ADAMTS16: variants seen among roughly 807,000 people sequenced by gnomAD.
ADAMTS16 encodes A disintegrin and metalloproteinase with thrombospondin motifs 16.
Under a neutral mutation model 145.8 loss-of-function variants are expected in ADAMTS16, and 94 were observed. That is an observed-to-expected ratio of 0.64 (90% confidence interval 0.55 to 0.77). The LOEUF (loss-of-function observed/expected upper bound fraction) is 0.77, where lower values mean the gene tolerates loss of function less well. Ranked by LOEUF, ADAMTS16 falls within the 30% of genes least tolerant of loss-of-function variation. ADAMTS16 has a pLI of 0.00. For missense variants in ADAMTS16, 1,585 were observed against 1,591.5 expected, an observed-to-expected ratio of 1.00 and a Z score of 0.07; for synonymous variants, 659 against 604.3, an observed-to-expected ratio of 1.09 and a Z score of -1.33.
rs1734085254 is a variant in ADAMTS16 at position 5,317,029 on chromosome 5, CAG to C, written c.3412-1099_3412-1098del. ...TTGGCCAGCCACTCACAGTTGTAGA[CAG>C]AGAGACCACCTCAAATGGTCTGGGT... On this transcript the variant is annotated intron_variant, in intron 21 of 22. Transcript: ENST00000274181. This position sits in a 1 kb window ranked among gnomAD's most constrained non-coding sequence, Gnocchi z 4.5. Among the ~76,000 whole-genome samples the C allele has an allele frequency of 6.6e-6, 1 of 152,152 alleles. No individual in the cohort carries two copies. The highest frequency in any genetic ancestry group is 1.5e-5 in the Non-Finnish European group (1 of 68,030).
chr5:5,229,402 C>G (rs575453186), intron 11 of ADAMTS16, among the ~76,000 whole-genome samples: 24 of 151,916 alleles, frequency 1.6e-4, no homozygotes, highest in Admixed American at 3.9e-4. Flanking sequence ...CCAGACACTG[C>G]AGTAAGGTGG....
intron 10 of ADAMTS16, among the ~76,000 whole-genome samples, chr5:5,222,316 A>AATGGAGGG (rs1736629001): frequency 1.3e-5 from 2 of 148,548 alleles, no homozygotes; most frequent in Admixed American, 6.7e-5. Context: ...TGCATGGTTA[A>AATGGAGGG]ATGGATGGAT....
chr5:5,223,235 G>T (rs906348762), intron 11 of ADAMTS16: 3 of 225,302 alleles, frequency 1.3e-5, no homozygotes, highest in Non-Finnish European at 2.7e-5. Flanking sequence ...CAGAACATCG[G>T]TTTGAAGACC....
chr5:5,224,104 A>G (rs1287652854), intron 11 of ADAMTS16, among the ~76,000 whole-genome samples: 1 of 152,176 alleles, frequency 6.6e-6, no homozygotes, highest in African/African-American at 2.4e-5. Flanking sequence ...GAAATAAGAT[A>G]AACTTATTGA....
At position 5,158,923 on chromosome 5, in the gene ADAMTS16, A is replaced by G. The variant is rs138192148; in HGVS notation, c.501+12468A>G. Among the ~76,000 whole-genome samples the G allele has an allele frequency of 7.0e-3, 1,065 of 152,340 alleles. 5 individuals carry two copies. Among genetic ancestry groups the G allele is most frequent in the Admixed American group, 0.011 (161 of 15,308 alleles). On this transcript the variant is annotated intron_variant, in intron 3 of 22. Transcript: ENST00000274181. ...TTGCCTATCGTGTATTAAGATTCTC[A>G]TGAATAGGCACTTTCACCACCCTGC... is the stretch of plus-strand genomic sequence containing the variant.
chr5:5,300,924 C>A (rs1374032512), intron 18 of ADAMTS16, among the ~76,000 whole-genome samples: 1 of 152,146 alleles, frequency 6.6e-6, no homozygotes, highest in Non-Finnish European at 1.5e-5. Context: ...AGGTCCAAAC[C>A]TTTTTGATTG....
chr5:5,157,370 A>G (rs1346732763), intron 3 of ADAMTS16, among the ~76,000 whole-genome samples: 1 of 152,014 alleles, frequency 6.6e-6, no homozygotes. Context: ...GTAAAATCTT[A>G]GCAGTTTTGT....
Position 5,319,199 on chromosome 5 carries a change from G to A in ADAMTS16, c.*61G>A, listed in dbSNP as rs1734181407. 4.8e-6 allele frequency: 6 copies of A among 1,256,666 alleles called. No homozygotes were observed. Among genetic ancestry groups the A allele is most frequent in the African/African-American group, 1.5e-5 (1 of 68,018 alleles). 77.8% of individuals were successfully genotyped at this position (1,256,666 alleles called of 1,614,324 possible). A position where few individuals can be genotyped will look rare whatever the true frequency, so the allele number is the denominator to read the frequency against. On this transcript the variant is annotated 3_prime_UTR_variant, in exon 23 of 23. Transcript: ENST00000274181. ...CGTGGCACAGAAATTTCCCACAAAT[G>A]AGCTGTGCAATCTACGTCGGAATAC...
chr5:5,145,572 C>T (rs1197314397), intron 2 of ADAMTS16, among the ~76,000 whole-genome samples: 2 of 152,246 alleles, frequency 1.3e-5, no homozygotes, highest in African/African-American at 2.4e-5. Context: ...TTTATGTAAA[C>T]ATGGCTTACC....
At chr5:5,194,639 T>C (rs1257733483) in intron 8 of ADAMTS16, among the ~76,000 whole-genome samples, 1 of 152,216 alleles carries the variant, frequency 6.6e-6, no homozygotes, top group Admixed American at 6.5e-5. Context: ...ATGATAAAAC[T>C]CCGTGTATCT....
Position 5,317,210 on chromosome 5 carries a change from A to G in ADAMTS16, c.3412-924A>G, listed in dbSNP as rs1734088941. Among the ~76,000 whole-genome samples the G allele has an allele frequency of 6.6e-6, 1 of 152,194 alleles. No individual in the cohort carries two copies. Among genetic ancestry groups the G allele is most frequent in the Non-Finnish European group, 1.5e-5 (1 of 68,034 alleles). ...AACATCAGCAACCGTGTTCTCTGAA[A>G]TACCGTAAATAGAAACCAAGATGTT... On this transcript the variant is annotated intron_variant, in intron 21 of 22. Transcript: ENST00000274181. The surrounding 1 kb of genome is among the most constrained non-coding windows in gnomAD (Gnocchi z 4.5).
chr5:5,293,405 C>T (rs1334647421), intron 18 of ADAMTS16, among the ~76,000 whole-genome samples: 2 of 152,170 alleles, frequency 1.3e-5, no homozygotes, highest in Non-Finnish European at 1.5e-5. Context: ...GCTGTTTCCT[C>T]TTGATCCGCA....
chr5:5,262,662 A>T lies in ADAMTS16; in HGVS notation c.2668A>T (p.Met890Leu). 6.2e-7 allele frequency: 1 copy of T among 1,613,938 alleles called. No individual in the cohort carries two copies. The highest frequency in any genetic ancestry group is 1.7e-4 in the Middle Eastern group (1 of 6,060). Residue 890 changes from methionine to leucine, a missense_variant, in exon 18 of 23, where the codon ATG becomes TTG. Transcript: ENST00000274181. ...ECSVSCGGGQMTVREGCYRDL... is the reference protein window; with the variant it reads ...ECSVSCGGGQLTVREGCYRDL... ...CATTTCATCCTTGCCTGCAGGACAG[A>T]TGACCGTGAGAGAGGGCTGCTACAG...
At chr5:5,275,763 T>C (rs1478331753) in intron 18 of ADAMTS16, among the ~76,000 whole-genome samples, 2 of 152,222 alleles carry the variant, frequency 1.3e-5, no homozygotes, top group African/African-American at 4.8e-5. Context: ...GGCTTACATT[T>C]CTTAATTATT....
Position 5,224,111 on chromosome 5 carries a change from T to C in ADAMTS16, c.1701+1227T>C, listed in dbSNP as rs376590699. 1.5e-4 allele frequency among the ~76,000 whole-genome samples: 23 copies of C among 152,242 alleles called. No homozygotes were observed. In the East Asian group the frequency reaches 3.7e-3, roughly 24 times the overall value. ...AATGAACAGAAATAAGATAAACTTA[T>C]TGAGAATAGCCCCCAGCCACCATTC... On this transcript the variant is annotated intron_variant, in intron 11 of 22. Transcript: ENST00000274181.
In ADAMTS16 at chr5:5,146,297, TC is replaced by T. The variant is rs1734295321; in HGVS notation, c.345del (p.Ser116AlafsTer3). 1 of 1,614,048 alleles carries T rather than the reference TC, an allele frequency of 6.2e-7. No homozygotes were observed. On this transcript the variant is annotated frameshift_variant, in exon 3 of 23. Transcript: ENST00000274181. LOFTEE classifies it high-confidence loss of function. ...RHDFHMDLRT[S>X]SSLVAPGFIV... ...CGACTTCCACATGGATCTGAGGACT[TC>T]CAGCAGCCTAGTGGCTCCTGGCTTT...
intron 21 of ADAMTS16, among the ~76,000 whole-genome samples, chr5:5,312,486 C>T (rs1740500381): frequency 2.2e-5 from 3 of 135,298 alleles, no homozygotes; most frequent in Admixed American, 7.9e-5. Context: ...TTGCTCTTGT[C>T]ACCCAGGCTG....
At chr5:5,186,304 GTGTGTGTGTGTGTGTGT>G in intron 5 of ADAMTS16, 53 bp downstream of exon 5, 1 of 1,081,822 alleles carries the variant, frequency 9.2e-7, no homozygotes, top group Non-Finnish European at 1.3e-6. Flanking sequence ...TTCGTAGGGT[GTGTGTGTGTGTGTGTGT>G]GTGTGTGTGT....
At chr5:5,208,208 G>A (rs1736181812) in intron 9 of ADAMTS16, among the ~76,000 whole-genome samples, 1 of 152,150 alleles carries the variant, frequency 6.6e-6, no homozygotes, top group African/African-American at 2.4e-5. Flanking sequence ...TGGGACTGGG[G>A]GTCCTAGAAA....
Sources: gnomAD v4.1 joint callset for allele counts (sites outside exome capture counted in the v4.1 genomes callset) on GRCh38, gnomAD v4.1.1 for gene constraint, Gnocchi (gnomAD v3.1) non-coding constraint, MANE v1.5 for transcripts, NCBI Gene and HGNC (gene_info 2026-07-23, HGNC 2026-07-21) for gene names.